Variants in SESTD1 observed in about 807,000 individuals in gnomAD.
SESTD1 encodes SEC14 and spectrin domain containing 1.
In SESTD1, 43 loss-of-function variants were observed where a neutral mutation model predicts 101.7. The observed-to-expected ratio is 0.42, with a 90% CI of 0.33 to 0.55. The LOEUF is 0.55. Among genes scored for constraint, SESTD1 ranks in the 20% least tolerant of loss-of-function variants. The pLI is 0.07. For synonymous variants in SESTD1, 283 were observed against 286.8 expected, an observed-to-expected ratio of 0.99 and a Z score of 0.13; for missense variants, 647 against 815.1, an observed-to-expected ratio of 0.79 and a Z score of 2.51.
At chr2:179,238,114 A>G (rs1315642760) in intron 1 of SESTD1, among the ~76,000 whole-genome samples, 2 of 152,214 alleles carry the variant, frequency 1.3e-5, no homozygotes, top group East Asian at 3.8e-4. Context: ...TAAGAAAATC[A>G]AAAGAAGAGA....
At chr2:179,187,025 A>G (rs1385724514) in intron 2 of SESTD1, among the ~76,000 whole-genome samples, 1 of 152,152 alleles carries the variant, frequency 6.6e-6, no homozygotes, top group East Asian at 1.9e-4. Context: ...CACCAAACTA[A>G]GCTTTATAAG....
chr2:179,170,357 T>C (rs2045910139), intron 5 of SESTD1, among the ~76,000 whole-genome samples: 1 of 152,066 alleles, frequency 6.6e-6, no homozygotes, highest in South Asian at 2.1e-4. Context: ...ACAAAATACA[T>C]AAAAAACTCT....
At chr2:179,191,021 G>T (rs961457059) in intron 2 of SESTD1, among the ~76,000 whole-genome samples, 1 of 152,146 alleles carries the variant, frequency 6.6e-6, no homozygotes, top group Admixed American at 6.6e-5. Context: ...TTTCCTTTGG[G>T]TATATACCCA....
In SESTD1 at chr2:179,105,511, T is replaced by TG. The variant is rs1351411213; in HGVS notation, c.*4387dup. 3 of 151,256 alleles carry TG rather than the reference T, an allele frequency of 2.0e-5. No individual in the cohort carries two copies. The highest frequency in any genetic ancestry group is 7.3e-5 in the African/African-American group (3 of 41,106). 9.4% of individuals were successfully genotyped at this position (151,256 alleles called of 1,614,324 possible). On this transcript the variant is annotated 3_prime_UTR_variant, in exon 18 of 18. Coordinates refer to ENST00000428443, the MANE Select transcript of SESTD1 (RefSeq NM_178123.5). ...GATGCATTCTGATACACTAGTGAAC[T>TG]GGGGGTGACGGTGAAGGGGTGGTGG...
intron 17 of SESTD1, 113 bp downstream of exon 17, chr2:179,112,611 A>G: frequency 7.7e-7 from 1 of 1,303,080 alleles, no homozygotes. Context: ...GGAGTTAAAG[A>G]TGTGGACCAA....
chr2:179,149,397 A>G lies in SESTD1; in HGVS notation c.484-3T>C. 6.4e-7 allele frequency: 1 copy of G among 1,568,332 alleles called. No individual in the cohort carries two copies. The highest frequency in any genetic ancestry group is 8.7e-7 in the Non-Finnish European group (1 of 1,148,340). On this transcript the variant is annotated splice_region_variant and splice_polypyrimidine_tract_variant and intron_variant, in intron 6 of 17. Transcript: ENST00000428443. ...TCCTTTGTAAACTTCTCAAAAACCT[A>G]CAATATGAGTTTTATTAACATACTA... is the stretch of plus-strand genomic sequence containing the variant.
intron 1 of SESTD1, among the ~76,000 whole-genome samples, chr2:179,246,994 C>G (rs2047242102): frequency 6.6e-6 from 1 of 151,974 alleles, no homozygotes; most frequent in South Asian, 2.1e-4. Context: ...ATTTTTTTCT[C>G]TGCTTTGTCC....
chr2:179,151,356 A>G lies in SESTD1; in HGVS notation c.405T>C (p.Tyr135=), dbSNP rs1336118999. ...ILVSANKLTR[Y]IEPCQLTEDF... The stretch of plus-strand genomic sequence containing the variant: ...CTTCTGTTAATTGGCATGGTTCTAT[A>G]TAACGAGTCAATTTGTTGGCGGACA... Residue 135 remains tyrosine, a synonymous_variant, in exon 6 of 18, where the codon TAT becomes TAC. Transcript: ENST00000428443. 8 of 1,606,134 alleles carry G rather than the reference A, an allele frequency of 5.0e-6. No individual in the cohort carries two copies. The highest frequency in any genetic ancestry group is 2.3e-5 in the East Asian group (1 of 44,396).
At position 179,251,585 on chromosome 2, in the gene SESTD1, T is replaced by C. The variant is rs1279119668; in HGVS notation, c.-26+12914A>G. ...ACAACTGCAGTGTCCAGCATGATCC[T>C]GCACAAGAGATGCACTATAGACTGA... On this transcript the variant is annotated intron_variant, in intron 1 of 17. Transcript: ENST00000428443. Among the ~76,000 whole-genome samples the C allele has an allele frequency of 2.0e-5, 3 of 152,194 alleles. No homozygotes were observed. The East Asian group carries it at 5.8e-4, about 29-fold the overall frequency.
rs544986277 is a variant in SESTD1 at position 179,171,755 on chromosome 2, C to T, written c.369+365G>A. 8.5e-5 allele frequency among the ~76,000 whole-genome samples: 13 copies of T among 152,234 alleles called. No individual in the cohort carries two copies. In the South Asian group the frequency reaches 1.5e-3, roughly 17 times the overall value. Reference sequence around the variant, plus strand: ...GCCAGATACTAAAAAATAATTATGACATGTCACAAAAAATAGACTATAATT... The same window carrying T: ...GCCAGATACTAAAAAATAATTATGATATGTCACAAAAAATAGACTATAATT... On this transcript the variant is annotated intron_variant, in intron 5 of 17. Transcript: ENST00000428443.
chr2:179,212,036 T>C (rs1348284466), intron 1 of SESTD1, among the ~76,000 whole-genome samples: 2 of 135,180 alleles, frequency 1.5e-5, no homozygotes, highest in Admixed American at 1.4e-4. Context: ...CGTTCCAAGA[T>C]GGCTGAATAG....
At chr2:179,164,690 C>A (rs886371803) in intron 5 of SESTD1, among the ~76,000 whole-genome samples, 31 of 152,076 alleles carry the variant, frequency 2.0e-4, no homozygotes, top group African/African-American at 7.2e-4. Context: ...ATATTCAATT[C>A]CTGATGAAAA....
At chr2:179,130,937 T>C (rs1381555819) in intron 10 of SESTD1, among the ~76,000 whole-genome samples, 1 of 152,120 alleles carries the variant, frequency 6.6e-6, no homozygotes, top group Non-Finnish European at 1.5e-5. Flanking sequence ...GGGTTTGTAA[T>C]ATGATTATTT....
intron 1 of SESTD1, among the ~76,000 whole-genome samples, chr2:179,206,115 T>G (rs1351789124): frequency 7.4e-6 from 1 of 134,820 alleles, no homozygotes; most frequent in East Asian, 2.0e-4. Context: ...AATAAAATGT[T>G]AAATAACATG....
chr2:179,128,017 C>T (rs939459764), intron 10 of SESTD1, among the ~76,000 whole-genome samples: 1 of 152,154 alleles, frequency 6.6e-6, no homozygotes, highest in East Asian at 1.9e-4. Context: ...GGATTAGAGT[C>T]CTAGAATAGC....
At chr2:179,197,179 C>CG (rs1414882055) in intron 1 of SESTD1, among the ~76,000 whole-genome samples, 8 of 151,406 alleles carry the variant, frequency 5.3e-5, no homozygotes, top group Non-Finnish European at 1.2e-4. Context: ...CCTCAGGAGC[C>CG]GATGCAATCA....
chr2:179,234,628 A>G (rs1482708468), intron 1 of SESTD1, among the ~76,000 whole-genome samples: 1 of 152,118 alleles, frequency 6.6e-6, no homozygotes, highest in Non-Finnish European at 1.5e-5. Context: ...AAATAGTACG[A>G]GTATACATCA....
chr2:179,112,791 C>T lies in SESTD1; in HGVS notation c.1894G>A (p.Asp632Asn), dbSNP rs1193928265. ...PEAINDEEQF[D>N]EIEAVGKSLL... Reference sequence around the variant, plus strand: ...GATTTCCCAACTGCTTCAATTTCATCAAATTGCTCCTCATCATTAATAGCT... The same window carrying T: ...GATTTCCCAACTGCTTCAATTTCATTAAATTGCTCCTCATCATTAATAGCT... The change falls in exon 17 of 18, where the codon GAT becomes AAT. Residue 632 changes from aspartate to asparagine, a missense_variant. Asp to Asn is a conservative substitution (Grantham distance 23). Around this residue, in one of 3 missense-constraint regions of SESTD1, gnomAD observed 476 missense variants for 562.6 expected, o/e 0.85. Coordinates refer to ENST00000428443, the MANE Select transcript of SESTD1 (RefSeq NM_178123.5). 1 of 1,613,212 alleles carries T rather than the reference C, an allele frequency of 6.2e-7. No individual in the cohort carries two copies.
At chr2:179,210,481 C>T (rs2046637155) in intron 1 of SESTD1, among the ~76,000 whole-genome samples, 1 of 134,842 alleles carries the variant, frequency 7.4e-6, no homozygotes, top group Admixed American at 7.2e-5. Flanking sequence ...AGATAATACA[C>T]CATGACCAAG....
Sources: gnomAD v4.1 joint callset for allele counts (sites outside exome capture counted in the v4.1 genomes callset) on GRCh38, gnomAD v4.1.1 for gene constraint, gnomAD v4.1.1 regional missense constraint, MANE v1.5 for transcripts, NCBI Gene and HGNC (gene_info 2026-07-23, HGNC 2026-07-21) for gene names.